DTNA: variants seen among roughly 807,000 people sequenced by gnomAD.
DTNA encodes dystrobrevin alpha.
Under a neutral mutation model 100.7 loss-of-function variants are expected in DTNA, and 43 were observed. That is an observed-to-expected ratio of 0.43 (90% CI 0.33 to 0.55). The LOEUF (loss-of-function observed/expected upper bound fraction) is 0.55. Among genes scored for constraint, DTNA ranks in the 20% least tolerant of loss-of-function variants. The probability of loss-of-function intolerance (pLI) is 0.04; values close to 1 mark genes in which losing one functional copy is unlikely to be tolerated. For missense variants in DTNA, 798 were observed against 953.9 expected (o/e 0.84, Z 2.15); for synonymous variants, 349 against 347.9 (o/e 1.00, Z -0.04).
In DTNA at chr18:34,889,871, G is replaced by A. The variant is rs1246472353; in HGVS notation, c.*2137G>A. The A allele has an allele frequency of 9.0e-6, 9 of 996,114 alleles. No individual in the cohort carries two copies. Among genetic ancestry groups the A allele is most frequent in the African/African-American group, 1.7e-5 (1 of 57,442 alleles). The allele number at this position is 996,114 out of a possible 1,614,324, so 61.7% of individuals were successfully genotyped here. On this transcript the variant is annotated 3_prime_UTR_variant, in exon 23 of 23. Coordinates refer to ENST00000444659, the MANE Select transcript of DTNA (RefSeq NM_001386795.1). ...GATTTTTATTGCGGGTTTTGTTGGG[G>A]TGTCTTAATGTTCATCTCTTTTCCA...
At chr18:34,798,693 G>T (rs1402131126) in intron 4 of DTNA, among the ~76,000 whole-genome samples, 2 of 152,082 alleles carry the variant, frequency 1.3e-5, no homozygotes, top group Non-Finnish European at 2.9e-5. Flanking sequence ...AATATTAAAA[G>T]GAACAGTGAT....
chr18:34,502,956 G>C (rs377457418), intron 1 of DTNA, among the ~76,000 whole-genome samples: 4 of 152,218 alleles, frequency 2.6e-5, no homozygotes, highest in East Asian at 1.9e-4. Flanking sequence ...AGTATATGCC[G>C]TCTCCAGTTA....
chr18:34,556,377 GT>G (rs1394164358), intron 1 of DTNA, among the ~76,000 whole-genome samples: 1 of 151,844 alleles, frequency 6.6e-6, no homozygotes, highest in African/African-American at 2.4e-5. Flanking sequence ...TACATTTAAA[GT>G]TAATATTGTT....
intron 1 of DTNA, among the ~76,000 whole-genome samples, chr18:34,643,256 G>T (rs936984700): frequency 6.6e-6 from 1 of 152,128 alleles, no homozygotes; most frequent in Non-Finnish European, 1.5e-5. Context: ...AGCCATGGTG[G>T]TAAAGCACAT....
intron 1 of DTNA, among the ~76,000 whole-genome samples, chr18:34,631,068 C>T (rs1224616841): frequency 6.6e-6 from 1 of 152,084 alleles, no homozygotes; most frequent in African/African-American, 2.4e-5. Context: ...ATGATTTAAA[C>T]AATAATACTA....
At chr18:34,601,278 T>C (rs996270518) in intron 1 of DTNA, among the ~76,000 whole-genome samples, 6 of 152,162 alleles carry the variant, frequency 3.9e-5, no homozygotes, top group African/African-American at 1.4e-4. Context: ...TATGCAGAAA[T>C]TTTTAGGAGA....
At chr18:34,742,629 T>TCCTATTATCTATCTAGATAGATAGATAA (rs2090869743) in intron 1 of DTNA, among the ~76,000 whole-genome samples, 1 of 137,688 alleles carries the variant, frequency 7.3e-6, no homozygotes, top group African/African-American at 2.8e-5. Context: ...TCTGATTATC[T>TCCTATTATCTATCTAGATAGATAGATAA]TCTATTATCT....
At chr18:34,741,693 T>C (rs1456448043) in intron 1 of DTNA, among the ~76,000 whole-genome samples, 1 of 152,204 alleles carries the variant, frequency 6.6e-6, no homozygotes, top group Non-Finnish European at 1.5e-5. Flanking sequence ...GAGTTTCTGT[T>C]TTATGCTGGC....
intron 12 of DTNA, 82 bp from the exon 13 acceptor site, chr18:34,838,663 C>T: frequency 8.0e-7 from 1 of 1,249,054 alleles, no homozygotes. Context: ...CCTTTTCTAC[C>T]AAAAACTCAC....
Position 34,604,028 on chromosome 18 carries a change from C to T in DTNA, c.-2+110514C>T, listed in dbSNP as rs113144621. On this transcript the variant is annotated intron_variant, in intron 1 of 19. Coordinates refer to the DTNA transcript ENST00000283365. ...CTAACAAAAACAAAATGTCCACGTTCCTAAATATGTGTTATAGTTGTGAGG... is the reference window on the plus strand; with the variant it reads ...CTAACAAAAACAAAATGTCCACGTTTCTAAATATGTGTTATAGTTGTGAGG... Among the ~76,000 whole-genome samples, 393 of 152,262 alleles carry T rather than the reference C, an allele frequency of 2.6e-3. 4 individuals carry two copies. Among genetic ancestry groups the T allele is most frequent in the African/African-American group, 8.8e-3 (365 of 41,542 alleles).
chr18:34,872,113 C>T (rs2096771180), intron 17 of DTNA, among the ~76,000 whole-genome samples: 3 of 152,178 alleles, frequency 2.0e-5, no homozygotes, highest in African/African-American at 7.2e-5. Flanking sequence ...TGCAGAACCA[C>T]TAATGGGAGT....
intron 1 of DTNA, among the ~76,000 whole-genome samples, chr18:34,615,673 T>G (rs1413042384): frequency 6.6e-6 from 1 of 152,184 alleles, no homozygotes; most frequent in Admixed American, 6.5e-5. Flanking sequence ...ATAAGCATAG[T>G]AATAAGCATA....
chr18:34,547,779 A>G (rs2044960593), intron 1 of DTNA, among the ~76,000 whole-genome samples: 1 of 152,160 alleles, frequency 6.6e-6, no homozygotes, highest in Non-Finnish European at 1.5e-5. Flanking sequence ...CTTAAATGAC[A>G]AAAGTTGGAA....
At chr18:34,852,716 A>G (rs916191108) in intron 15 of DTNA, among the ~76,000 whole-genome samples, 1 of 151,962 alleles carries the variant, frequency 6.6e-6, no homozygotes, top group Non-Finnish European at 1.5e-5. Context: ...ACAGCCTTTG[A>G]ATTAGTCATT....
Position 34,888,057 on chromosome 18 carries a change from G to A in DTNA, c.*323G>A, listed in dbSNP as rs1207260932. On this transcript the variant is annotated 3_prime_UTR_variant, in exon 23 of 23. Coordinates refer to ENST00000444659, the MANE Select transcript of DTNA (RefSeq NM_001386795.1). ...TATCAGCTACATCCTCTGTAACGTG[G>A]TTCATCCCTGGTTAAAAAGCAAACA... The A allele has an allele frequency of 2.0e-6, 2 of 985,734 alleles. No homozygotes were observed. The highest frequency in any genetic ancestry group is 2.4e-6 in the Non-Finnish European group (2 of 829,948). The allele number at this position is 985,734 out of a possible 1,614,324, so 61.1% of individuals were successfully genotyped here.
At chr18:34,686,223 C>T (rs935133194) in intron 1 of DTNA, among the ~76,000 whole-genome samples, 3 of 152,166 alleles carry the variant, frequency 2.0e-5, no homozygotes, top group African/African-American at 7.2e-5. Flanking sequence ...TGCTGGTTTT[C>T]AAAGGGAATG....
chr18:34,520,147 A>G (rs1028982662), intron 1 of DTNA, among the ~76,000 whole-genome samples: 5 of 152,190 alleles, frequency 3.3e-5, no homozygotes, highest in Non-Finnish European at 7.3e-5. Flanking sequence ...CCCACTTGAT[A>G]TAAAAGACAA....
intron 1 of DTNA, among the ~76,000 whole-genome samples, chr18:34,541,361 A>G (rs923159113): frequency 2.6e-5 from 4 of 152,066 alleles, no homozygotes; most frequent in African/African-American, 9.7e-5. Flanking sequence ...TCCTCACCCA[A>G]ATCTCACCTT....
At chr18:34,515,651 G>A (rs1004018000) in intron 1 of DTNA, among the ~76,000 whole-genome samples, 8 of 152,062 alleles carry the variant, frequency 5.3e-5, no homozygotes, top group Non-Finnish European at 1.0e-4. Flanking sequence ...GTTTTGCTAA[G>A]AAAGTGTTCT....
Sources: gnomAD v4.1 joint callset for allele counts (sites outside exome capture counted in the v4.1 genomes callset) on GRCh38, gnomAD v4.1.1 for gene constraint, MANE v1.5 for transcripts, NCBI Gene and HGNC (gene_info 2026-07-23, HGNC 2026-07-21) for gene names.